Variants in PTPRG observed in about 807,000 individuals in gnomAD.
PTPRG encodes receptor-type tyrosine-protein phosphatase gamma.
In PTPRG, 102 loss-of-function variants were observed where a neutral mutation model predicts 165.3. The observed-to-expected ratio is 0.62, with a 90% CI of 0.53 to 0.73. The LOEUF is 0.73. Among genes scored for constraint, PTPRG ranks in the 30% least tolerant of loss-of-function variants. The pLI is 0.00. For missense variants in PTPRG, 1,866 were observed against 1,861.4 expected, an observed-to-expected ratio of 1.00 and a Z score of -0.05; for synonymous variants, 675 against 669.5, an observed-to-expected ratio of 1.01 and a Z score of -0.13.
intron 2 of PTPRG, among the ~76,000 whole-genome samples, chr3:61,949,128 C>T (rs562879722): frequency 1.5e-4 from 23 of 150,498 alleles, no homozygotes; most frequent in South Asian, 1.3e-3. Flanking sequence ...GCCTGGTTTT[C>T]GTCACCAAGG....
At chr3:62,209,979 C>T (rs556478766) in intron 12 of PTPRG, among the ~76,000 whole-genome samples, 1 of 152,302 alleles carries the variant, frequency 6.6e-6, no homozygotes, top group Admixed American at 6.5e-5. Context: ...AACCAACTGT[C>T]AGTGGTGGCC....
chr3:61,606,633 G>C (rs1293783398), intron 1 of PTPRG, among the ~76,000 whole-genome samples: 3 of 152,214 alleles, frequency 2.0e-5, no homozygotes, highest in African/African-American at 7.2e-5. Context: ...TACACTTCTG[G>C]AGGCTGGGAA....
rs1559693470 is a variant in PTPRG at position 61,926,595 on chromosome 3, C to CCCTT, written c.191-63027_191-63026insTCCT. ...CTTTCTTCCCCTTCCCTCCCTCCCT[C>CCCTT]CCTCCCTCCCTCCCTCCTTCCTTCC... On this transcript the variant is annotated intron_variant, in intron 2 of 29. Coordinates refer to ENST00000474889, the MANE Select transcript of PTPRG (RefSeq NM_002841.4). 2.4e-5 allele frequency among the ~76,000 whole-genome samples: 3 copies of CCCTT among 125,506 alleles called. No individual in the cohort carries two copies. The East Asian group carries it at 8.6e-4, about 36-fold the overall frequency. The allele number at this position is 125,506 out of a possible 152,430, so 82.3% of individuals were successfully genotyped here. A position where few individuals can be genotyped will look rare whatever the true frequency, so the allele number is the denominator to read the frequency against.
At chr3:61,869,017 G>A (rs141757901) in intron 2 of PTPRG, among the ~76,000 whole-genome samples, 188 of 151,704 alleles carry the variant, frequency 1.2e-3, no homozygotes, top group Non-Finnish European at 2.1e-3. Flanking sequence ...TAGTTTCCAC[G>A]CTTCATAAAG....
chr3:61,594,015 C>A (rs2106829127), intron 1 of PTPRG, among the ~76,000 whole-genome samples: 1 of 152,254 alleles, frequency 6.6e-6, no homozygotes, highest in African/African-American at 2.4e-5. Context: ...AGGATGTTCA[C>A]TGTGGCTCGT....
In PTPRG at chr3:61,855,503, CT is replaced by C. The variant is rs1308189043; in HGVS notation, c.190+106524del. Among the ~76,000 whole-genome samples the C allele has an allele frequency of 3.4e-3, 523 of 152,156 alleles. 6 individuals are homozygous for C. Among genetic ancestry groups the C allele is most frequent in the African/African-American group, 0.012 (488 of 41,530 alleles). ...TTGCTTGGAGTCTTCTAAAATTTTA[CT>C]TTCTATATTTTGGTCTTCCATGTAA... On this transcript the variant is annotated intron_variant, in intron 2 of 29. Coordinates refer to ENST00000474889, the MANE Select transcript of PTPRG (RefSeq NM_002841.4).
chr3:62,091,499 G>A (rs1370937337), intron 5 of PTPRG, among the ~76,000 whole-genome samples: 2 of 152,160 alleles, frequency 1.3e-5, no homozygotes, highest in African/African-American at 2.4e-5. Context: ...AGATGGTGGT[G>A]AGGCCATTAG....
chr3:62,267,560 T>C lies in PTPRG; in HGVS notation c.2739+68T>C, dbSNP rs538881989. 1.8e-5 allele frequency: 28 copies of C among 1,533,998 alleles called. No individual in the cohort carries two copies. The South Asian group carries it at 2.9e-4, about 16-fold the overall frequency. On this transcript the variant is annotated intron_variant, in intron 18 of 29. Coordinates refer to ENST00000474889, the MANE Select transcript of PTPRG (RefSeq NM_002841.4). ...AGACTGCAGCAGAAACTGTTTAATA[T>C]ATTTTAATACTGTACAGAGCTTTCA...
intron 2 of PTPRG, among the ~76,000 whole-genome samples, chr3:61,872,248 C>T (rs1324331649): frequency 6.6e-6 from 1 of 152,164 alleles, no homozygotes; most frequent in Non-Finnish European, 1.5e-5. Context: ...CGTTGGGCAC[C>T]TGGAGTTCTG....
intron 6 of PTPRG, among the ~76,000 whole-genome samples, chr3:62,150,429 A>G (rs748949929): frequency 1.3e-5 from 2 of 152,198 alleles, no homozygotes; most frequent in Non-Finnish European, 2.9e-5. Flanking sequence ...AAAACGCAGA[A>G]TCTCAGCTCT....
chr3:62,234,259 C>T lies in PTPRG; in HGVS notation c.2375+2948C>T, dbSNP rs537545458. Among the ~76,000 whole-genome samples the T allele has an allele frequency of 1.2e-3, 190 of 152,208 alleles. 1 individual carries two copies. The highest frequency in any genetic ancestry group is 4.4e-3 in the African/African-American group (183 of 41,510). On this transcript the variant is annotated intron_variant, in intron 14 of 29. Coordinates refer to ENST00000474889, the MANE Select transcript of PTPRG (RefSeq NM_002841.4). ...TGTGGCTGTCATTTTGATTGTTCTC[C>T]GTCTTTTGTTATTATAAACAATCGT...
intron 8 of PTPRG, among the ~76,000 whole-genome samples, chr3:62,175,074 A>G (rs944919409): frequency 6.6e-6 from 1 of 152,212 alleles, no homozygotes; most frequent in African/African-American, 2.4e-5. Flanking sequence ...GCCATATTAT[A>G]TCCAACATTT....
At chr3:62,262,730 C>A in intron 16 of PTPRG, 68 bp from the exon 17 acceptor site, 2 of 1,163,966 alleles carry the variant, frequency 1.7e-6, no homozygotes, top group South Asian at 3.0e-5. Flanking sequence ...ATACTTTATG[C>A]CTTTAAATGT....
chr3:61,686,740 C>T lies in PTPRG; in HGVS notation c.86-62138C>T, dbSNP rs149685311. Among the ~76,000 whole-genome samples, 932 of 152,272 alleles carry T rather than the reference C, an allele frequency of 6.1e-3. 9 individuals are homozygous for T. The highest frequency in any genetic ancestry group is 0.021 in the African/African-American group (889 of 41,564). On this transcript the variant is annotated intron_variant, in intron 1 of 29. Transcript: ENST00000474889. Reference sequence around the variant, plus strand: ...AATCAGAGAAGCATTGCCCTATGAACAGATACATATGTTTGTCTGTATATC... The same window carrying T: ...AATCAGAGAAGCATTGCCCTATGAATAGATACATATGTTTGTCTGTATATC...
intron 4 of PTPRG, among the ~76,000 whole-genome samples, chr3:62,039,815 AAC>A (rs1277170358): frequency 2.2e-5 from 3 of 136,680 alleles, no homozygotes; most frequent in African/African-American, 8.7e-5. Flanking sequence ...TTTGCTTTGT[AAC>A]AGTTACAGCA....
chr3:61,779,847 A>G (rs1306916470), intron 2 of PTPRG, among the ~76,000 whole-genome samples: 1 of 152,144 alleles, frequency 6.6e-6, no homozygotes, highest in Non-Finnish European at 1.5e-5. Flanking sequence ...CTATGGGGCC[A>G]CAGATGACAT....
At chr3:61,596,719 T>C (rs1001016329) in intron 1 of PTPRG, among the ~76,000 whole-genome samples, 1 of 152,096 alleles carries the variant, frequency 6.6e-6, no homozygotes, top group African/African-American at 2.4e-5. Context: ...TTTTCACAAG[T>C]AGAAAAGACA....
chr3:61,875,346 A>G (rs1281924599), intron 2 of PTPRG, among the ~76,000 whole-genome samples: 2 of 151,966 alleles, frequency 1.3e-5, no homozygotes, highest in Non-Finnish European at 2.9e-5. Flanking sequence ...ATGGTGTTCT[A>G]AGTACTTGAT....
intron 2 of PTPRG, among the ~76,000 whole-genome samples, chr3:61,805,665 C>T (rs1480442247): frequency 2.0e-5 from 3 of 151,968 alleles, no homozygotes; most frequent in Admixed American, 6.5e-5. Context: ...AGTTAAAGGG[C>T]GTCACTGATT....
Sources: allele counts gnomAD v4.1 joint callset (sites outside exome capture counted in the v4.1 genomes callset), GRCh38; gene constraint gnomAD v4.1.1; transcripts MANE v1.5; gene names NCBI Gene and HGNC (gene_info 2026-07-23, HGNC 2026-07-21).